PCDHA3: variants seen among roughly 807,000 people sequenced by gnomAD.
The protein encoded by PCDHA3 is protocadherin alpha-3.
Under a neutral mutation model 62.2 loss-of-function variants are expected in PCDHA3, and 41 were observed. The observed-to-expected ratio is 0.66, with a 90% CI of 0.51 to 0.86. PCDHA3 has a LOEUF of 0.86. PCDHA3 is among the 40% of genes least tolerant of loss of function. The probability of loss-of-function intolerance (pLI) is 0.00; values close to 1 mark genes in which losing one functional copy is unlikely to be tolerated. For missense variants in PCDHA3, 1,304 were observed against 1,241.2 expected, an observed-to-expected ratio of 1.05 and a Z score of -0.76; for synonymous variants, 640 against 555.4, an observed-to-expected ratio of 1.15 and a Z score of -2.14.
chr5:140,893,882 C>G (rs2064212921), intron 1 of PCDHA3, among the ~76,000 whole-genome samples: 1 of 152,140 alleles, frequency 6.6e-6, no homozygotes, highest in Non-Finnish European at 1.5e-5. Flanking sequence ...CCAAAGTGGC[C>G]AGAAAGTTAC....
Position 141,011,605 on chromosome 5 carries a change from T to C in PCDHA3, c.*1668T>C, listed in dbSNP as rs971128266. On this transcript the variant is annotated 3_prime_UTR_variant, in exon 4 of 4. Coordinates refer to ENST00000522353, the MANE Select transcript of PCDHA3 (RefSeq NM_018906.3). The stretch of plus-strand genomic sequence containing the variant: ...AAGATACTGGTGATTCAAGGAATTT[T>C]ATTTATGGTCCAGCCAAGAGCCATC... 4 of 153,780 alleles carry C rather than the reference T, an allele frequency of 2.6e-5. No homozygotes were observed. Among genetic ancestry groups the C allele is most frequent in the Non-Finnish European group, 4.4e-5 (3 of 68,032 alleles). 9.5% of individuals were successfully genotyped at this position (153,780 alleles called of 1,614,324 possible). A position where few individuals can be genotyped will look rare whatever the true frequency, so the allele number is the denominator to read the frequency against.
At chr5:140,856,540 C>A (rs1554148838) in intron 1 of PCDHA3, 1 of 1,598,162 alleles carries the variant, frequency 6.3e-7, no homozygotes, top group African/African-American at 1.3e-5. Context: ...TTGGAGAGAA[C>A]GCATTGCTTA....
At chr5:140,912,578 A>G (rs2075983045) in intron 1 of PCDHA3, among the ~76,000 whole-genome samples, 1 of 152,052 alleles carries the variant, frequency 6.6e-6, no homozygotes, top group Admixed American at 6.5e-5. Context: ...CCTCTTTTCC[A>G]ATTTGGATGC....
intron 2 of PCDHA3, chr5:140,982,222 A>C: frequency 3.5e-6 from 2 of 569,284 alleles, no homozygotes; most frequent in Non-Finnish European, 2.7e-6. Context: ...CATGGCGTTA[A>C]TAAAAAACAG....
chr5:140,853,528 C>G, intron 1 of PCDHA3: 1 of 978,674 alleles, frequency 1.0e-6, no homozygotes, highest in South Asian at 4.8e-5. Context: ...CCTCCTATGT[C>G]TCTTTTCAAG....
chr5:140,945,701 CA>C (rs1563215722), intron 1 of PCDHA3, among the ~76,000 whole-genome samples: 1 of 151,988 alleles, frequency 6.6e-6, no homozygotes, highest in Non-Finnish European at 1.5e-5. Context: ...CACTGATTTG[CA>C]ACAAAAGTAT....
At position 140,988,717 on chromosome 5, in the gene PCDHA3, T is replaced by C. The variant is rs79402139; in HGVS notation, c.2542+6154T>C. Among the ~76,000 whole-genome samples, 1,208 of 152,334 alleles carry C rather than the reference T, an allele frequency of 7.9e-3. 20 individuals carry two copies. Among genetic ancestry groups the C allele is most frequent in the African/African-American group, 0.027 (1,139 of 41,566 alleles). On this transcript the variant is annotated intron_variant, in intron 3 of 3. Transcript: ENST00000522353. ...CTCTGTATTTTCTTGGACCTCTCATTTGCCCCATAGTAATTATTCTAGGAT... is the reference window on the plus strand; with the variant it reads ...CTCTGTATTTTCTTGGACCTCTCATCTGCCCCATAGTAATTATTCTAGGAT...
At chr5:140,870,630 G>A (rs2052239024) in intron 1 of PCDHA3, 15 of 1,613,008 alleles carry the variant, frequency 9.3e-6, no homozygotes, top group Non-Finnish European at 1.3e-5. Context: ...ACGTGTCGGT[G>A]CACGCGGAGA....
rs781863441 is a variant in PCDHA3 at position 140,858,454 on chromosome 5, C to A, written c.2394+54863C>A. The A allele has an allele frequency of 2.0e-6, 3 of 1,529,822 alleles. No homozygotes were observed. The South Asian group carries it at 3.6e-5, about 18-fold the overall frequency. The allele number at this position is 1,529,822 out of a possible 1,614,324, so 94.8% of individuals were successfully genotyped here. On this transcript the variant is annotated intron_variant, in intron 1 of 3. Coordinates refer to ENST00000522353, the MANE Select transcript of PCDHA3 (RefSeq NM_018906.3). ...CTAGGAAGGTGGGTTATTACGTTTT[C>A]ATTTTCCTTTTGTGCTTTATGAATA...
chr5:140,807,450 C>A (rs1554124019), intron 1 of PCDHA3: 1 of 1,606,840 alleles, frequency 6.2e-7, no homozygotes, highest in Admixed American at 1.7e-5. Context: ...TTTGTGAATT[C>A]TCGGATCGAC....
intron 1 of PCDHA3, among the ~76,000 whole-genome samples, chr5:140,827,704 CA>C (rs1554130856): frequency 6.6e-6 from 1 of 152,168 alleles, no homozygotes; most frequent in Non-Finnish European, 1.5e-5. Flanking sequence ...ATTAATGTTG[CA>C]AATATTGGTA....
intron 1 of PCDHA3, chr5:140,849,428 A>G: frequency 6.3e-7 from 1 of 1,578,702 alleles, no homozygotes; most frequent in Non-Finnish European, 8.6e-7. Context: ...TGGATTTTGA[A>G]GAAAGTAGAG....
At chr5:140,853,934 C>A in intron 1 of PCDHA3, 1 of 864,496 alleles carries the variant, frequency 1.2e-6, no homozygotes, top group Non-Finnish European at 1.4e-6. Flanking sequence ...TTTGGGAGGC[C>A]AAGGTGGGAG....
rs782499527 is a variant in PCDHA3, at chr5:140,871,070, C to T, written c.2394+67479C>T. ...GTACTGGTGAAGGATCACGGTGAGC[C>T]GGCGCTGACGGCCACGGCCACCGTG... On this transcript the variant is annotated intron_variant, in intron 1 of 3. Transcript: ENST00000522353. 11 of 1,613,094 alleles carry T rather than the reference C, an allele frequency of 6.8e-6. No homozygotes were observed. The South Asian group carries it at 9.9e-5, about 14-fold the overall frequency.
At chr5:140,946,210 G>C (rs140796631) in intron 1 of PCDHA3, among the ~76,000 whole-genome samples, 1 of 152,052 alleles carries the variant, frequency 6.6e-6, no homozygotes, top group African/African-American at 2.4e-5. Flanking sequence ...GCACACAAAT[G>C]ACCAACAGGT....
intron 1 of PCDHA3, chr5:140,816,075 T>G (rs1464716932): frequency 6.6e-6 from 1 of 152,232 alleles, no homozygotes; most frequent in African/African-American, 2.4e-5. Flanking sequence ...AGATGTAATT[T>G]TAAAAAATAA....
At chr5:140,956,057 T>C (rs2095252530) in intron 1 of PCDHA3, among the ~76,000 whole-genome samples, 1 of 152,308 alleles carries the variant, frequency 6.6e-6, no homozygotes, top group South Asian at 2.1e-4. Flanking sequence ...GCTGAGACAA[T>C]GGGGTTTTCC....
chr5:140,978,175 G>A (rs1163383689), intron 1 of PCDHA3, among the ~76,000 whole-genome samples: 1 of 152,170 alleles, frequency 6.6e-6, no homozygotes, highest in Admixed American at 6.5e-5. Context: ...TTTGTAGAGA[G>A]AGGGCAACAG....
At chr5:141,003,913 T>C (rs1554259375) in intron 3 of PCDHA3, among the ~76,000 whole-genome samples, 1 of 152,206 alleles carries the variant, frequency 6.6e-6, no homozygotes, top group African/African-American at 2.4e-5. Flanking sequence ...GGGTCTTGAC[T>C]GCATCCTCAG....
Sources: gnomAD v4.1 joint callset for allele counts (sites outside exome capture counted in the v4.1 genomes callset) on GRCh38, gnomAD v4.1.1 for gene constraint, MANE v1.5 for transcripts, NCBI Gene and HGNC (gene_info 2026-07-23, HGNC 2026-07-21) for gene names.